DLAT: variants seen among roughly 807,000 people sequenced by gnomAD.
The protein encoded by DLAT is dihydrolipoamide S-acetyltransferase.
DLAT carries 43 observed loss-of-function variants against 68.0 expected under a neutral mutation model. The observed-to-expected ratio is 0.63, with a 90% CI of 0.50 to 0.81. DLAT has a LOEUF of 0.81. Among genes scored for constraint, DLAT ranks in the 40% least tolerant of loss-of-function variants. The pLI is 0.00. For synonymous variants in DLAT, 265 were observed against 288.6 expected, an observed-to-expected ratio of 0.92 and a Z score of 0.83; for missense variants, 745 against 815.4, an observed-to-expected ratio of 0.91 and a Z score of 1.05.
chr11:112,048,077 A>G (rs1435728187), intron 10 of DLAT, among the ~76,000 whole-genome samples: 1 of 152,166 alleles, frequency 6.6e-6, no homozygotes, highest in African/African-American at 2.4e-5. Context: ...TTTTCACGAT[A>G]TTGATTCTTC....
In DLAT at chr11:112,060,053, A is replaced by C; in HGVS notation, c.1665A>C (p.Pro555=). The C allele has an allele frequency of 6.2e-7, 1 of 1,613,954 alleles. No homozygotes were observed. The highest frequency in any genetic ancestry group is 8.5e-7 in the Non-Finnish European group (1 of 1,179,882). Residue 555 remains proline, a synonymous_variant, in exon 12 of 14, where the codon CCA becomes CCC. Transcript: ENST00000280346. ...AAGCAAGAGAGGGTAAACTACAGCCACATGAATTCCAGGTAGGGTATTAAT... is the reference window on the plus strand; with the variant it reads ...AAGCAAGAGAGGGTAAACTACAGCCCCATGAATTCCAGGTAGGGTATTAAT... ...ATKAREGKLQ[P]HEFQGGTFTI... is the part of the protein sequence containing the mutation.
At chr11:112,054,317 T>G (rs1438526614) in intron 11 of DLAT, among the ~76,000 whole-genome samples, 1 of 150,828 alleles carries the variant, frequency 6.6e-6, no homozygotes, top group Admixed American at 6.6e-5. Flanking sequence ...AAGACTGCAT[T>G]TCAAATAATA....
chr11:112,046,240 A>G (rs1258501723), intron 10 of DLAT, among the ~76,000 whole-genome samples: 1 of 152,120 alleles, frequency 6.6e-6, no homozygotes, highest in African/African-American at 2.4e-5. Context: ...TAACAGTTTT[A>G]TACTTTTAGT....
chr11:112,028,622 C>G lies in DLAT; in HGVS notation c.489C>G (p.Ile163Met). Reference protein sequence around the residue: ...GTRDVPIGAIICITVGKPEDI... With the variant: ...GTRDVPIGAIMCITVGKPEDI... ...GGGATGTTCCCATCGGAGCGATCAT[C>G]TGTATCACAGTTGGCAAGTGAGTAG... The change falls in exon 3 of 14, where the codon ATC (isoleucine) becomes ATG (methionine). Residue 163 changes from isoleucine to methionine, a missense_variant. Transcript: ENST00000280346. 1 of 1,614,108 alleles carries G rather than the reference C, an allele frequency of 6.2e-7. No individual in the cohort carries two copies. Among genetic ancestry groups the G allele is most frequent in the Non-Finnish European group, 8.5e-7 (1 of 1,180,030 alleles).
At chr11:112,027,338 G>A (rs587762297) in intron 2 of DLAT, among the ~76,000 whole-genome samples, 3 of 150,330 alleles carry the variant, frequency 2.0e-5, no homozygotes, top group Non-Finnish European at 3.0e-5. Context: ...CATCTCAGAC[G>A]ATGGGCGGCC....
intron 5 of DLAT, among the ~76,000 whole-genome samples, chr11:112,035,372 T>C (rs1285373255): frequency 6.6e-6 from 1 of 152,224 alleles, no homozygotes; most frequent in Non-Finnish European, 1.5e-5. Flanking sequence ...ACAGTAGTTC[T>C]GCTTCACCAT....
At position 112,064,333 on chromosome 11, in the gene DLAT, TTAGAAA is replaced by T. The variant is rs1447913927; in HGVS notation, c.*1802_*1807del. 16 of 861,386 alleles carry T rather than the reference TTAGAAA, an allele frequency of 1.9e-5. No homozygotes were observed. The highest frequency in any genetic ancestry group is 2.5e-5 in the Non-Finnish European group (15 of 596,722). 53.4% of individuals were successfully genotyped at this position (861,386 alleles called of 1,614,324 possible). A position where few individuals can be genotyped will look rare whatever the true frequency, so the allele number is the denominator to read the frequency against. On this transcript the variant is annotated 3_prime_UTR_variant, in exon 14 of 14. Coordinates refer to ENST00000280346, the MANE Select transcript of DLAT (RefSeq NM_001931.5). Reference sequence around the variant, plus strand: ...TCTTACCAGAACTGAAAGAAAAAAGTTAGAAATAGTGTTTTTGGTTCATATGATTAT... The same window carrying T: ...TCTTACCAGAACTGAAAGAAAAAAGTTAGTGTTTTTGGTTCATATGATTAT...
intron 11 of DLAT, among the ~76,000 whole-genome samples, chr11:112,058,718 T>A (rs1864306866): frequency 6.6e-6 from 1 of 151,984 alleles, no homozygotes; most frequent in Non-Finnish European, 1.5e-5. Context: ...TAACAGTACT[T>A]GTGTCTGGTG....
intron 12 of DLAT, among the ~76,000 whole-genome samples, chr11:112,060,575 C>G (rs1864526203): frequency 6.6e-6 from 1 of 152,154 alleles, no homozygotes; most frequent in African/African-American, 2.4e-5. Context: ...CTACCTCTGC[C>G]TCCTGAGTAG....
intron 4 of DLAT, among the ~76,000 whole-genome samples, chr11:112,031,076 A>G (rs1862366562): frequency 6.6e-6 from 1 of 152,258 alleles, no homozygotes. Context: ...TCTTTAAGAT[A>G]CTGTATAGAG....
In DLAT at chr11:112,025,708, G is replaced by A. The variant is rs1555179155; in HGVS notation, c.236G>A (p.Gly79Glu). 1 of 1,612,918 alleles carries A rather than the reference G, an allele frequency of 6.2e-7. No homozygotes were observed. The highest frequency in any genetic ancestry group is 1.1e-5 in the South Asian group (1 of 91,070). Residue 79 changes from glycine (G) to glutamate (E), a missense_variant, in exon 1 of 14, where the codon GGG becomes GAG. Transcript: ENST00000280346. ...PRNRLLLQLL[G>E]SPGRRYYSLP... The stretch of plus-strand genomic sequence containing the variant: ...AACCGCTTACTGCTGCAGCTTTTGG[G>A]GTCGCCCGGCCGCCGCTATTACAGT...
intron 11 of DLAT, among the ~76,000 whole-genome samples, chr11:112,052,696 A>G (rs1863724910): frequency 6.6e-6 from 1 of 152,040 alleles, no homozygotes; most frequent in Non-Finnish European, 1.5e-5. Flanking sequence ...GGCTGGGGAG[A>G]AAAAGGAAAG....
intron 9 of DLAT, among the ~76,000 whole-genome samples, 173 bp from the exon 10 acceptor site, chr11:112,045,687 CAAA>C (rs782116849): frequency 8.6e-6 from 1 of 115,644 alleles, no homozygotes. Context: ...GACTCCATCT[CAAA>C]AAAAAAAAAA....
chr11:112,046,971 TGG>T (rs1863355070), intron 10 of DLAT, among the ~76,000 whole-genome samples: 1 of 152,366 alleles, frequency 6.6e-6, no homozygotes, highest in African/African-American at 2.4e-5. Context: ...TATAATCCTT[TGG>T]GTCTATACCC....
intron 10 of DLAT, among the ~76,000 whole-genome samples, chr11:112,047,250 C>T (rs1052374835): frequency 6.6e-6 from 1 of 152,190 alleles, no homozygotes; most frequent in African/African-American, 2.4e-5. Context: ...TTGTTGGCCA[C>T]ATAAATGTCT....
intron 11 of DLAT, among the ~76,000 whole-genome samples, chr11:112,058,651 T>C (rs1864298933): frequency 6.6e-6 from 1 of 151,522 alleles, no homozygotes; most frequent in Non-Finnish European, 1.5e-5. Context: ...CCTTTTTTTT[T>C]TTCTACTAAC....
intron 7 of DLAT, among the ~76,000 whole-genome samples, chr11:112,039,729 T>C (rs782538603): frequency 4.6e-5 from 7 of 152,160 alleles, no homozygotes; most frequent in Admixed American, 1.3e-4. Flanking sequence ...AAACCTCTGT[T>C]AGTGCTTGGT....
At chr11:112,046,554 T>A (rs1555181504) in intron 10 of DLAT, among the ~76,000 whole-genome samples, 1 of 152,014 alleles carries the variant, frequency 6.6e-6, no homozygotes, top group Non-Finnish European at 1.5e-5. Flanking sequence ...CCATGGTGGT[T>A]TGCTGCACCC....
At chr11:112,041,029 A>AGATG (rs1863028794) in intron 7 of DLAT, among the ~76,000 whole-genome samples, 1 of 152,180 alleles carries the variant, frequency 6.6e-6, no homozygotes, top group Admixed American at 6.5e-5. Flanking sequence ...CTTGTTCATC[A>AGATG]GATGGATAAG....
Sources: allele counts gnomAD v4.1 joint callset (sites outside exome capture counted in the v4.1 genomes callset), GRCh38; gene constraint gnomAD v4.1.1; transcripts MANE v1.5; gene names NCBI Gene and HGNC (gene_info 2026-07-23, HGNC 2026-07-21).